NFIX: variants seen among roughly 807,000 people sequenced by gnomAD.
NFIX encodes the protein nuclear factor I X.
In NFIX, 2 loss-of-function variants were observed where a neutral mutation model predicts 53.3. The observed-to-expected ratio is 0.04, with a 90% CI of 0.02 to 0.12. The LOEUF is 0.12. Ranked by LOEUF, NFIX falls within the 10% of genes least tolerant of loss-of-function variation. NFIX has a pLI of 1.00. For synonymous variants in NFIX, 244 were observed against 289.0 expected, an observed-to-expected ratio of 0.84 and a Z score of 1.58; for missense variants, 310 against 674.5, an observed-to-expected ratio of 0.46 and a Z score of 5.99.
chr19:13,052,542 AG>A lies in NFIX; in HGVS notation c.560-20502del, dbSNP rs975560648. On this transcript the variant is annotated intron_variant, in intron 2 of 10. Coordinates refer to ENST00000592199, the MANE Select transcript of NFIX (RefSeq NM_001365902.3). The surrounding 1 kb of genome is among the most constrained non-coding windows in gnomAD (Gnocchi z 5.2). ...TGCGCTGCTGGCCCTGGCTCTGCTG[AG>A]GGCCATGTCAGGGTGAAGGGGGCAC... Among the ~76,000 whole-genome samples the A allele has an allele frequency of 6.6e-6, 1 of 152,130 alleles. No individual in the cohort carries two copies. The highest frequency in any genetic ancestry group is 1.5e-5 in the Non-Finnish European group (1 of 68,014).
intron 2 of NFIX, among the ~76,000 whole-genome samples, chr19:13,044,130 G>C (rs1201593261): frequency 6.6e-6 from 1 of 152,146 alleles, no homozygotes; most frequent in Non-Finnish European, 1.5e-5. Context: ...CAGGCCCTGG[G>C]TAGTGGGAGC....
At chr19:12,999,911 C>A (rs2011615971) in intron 1 of NFIX, among the ~76,000 whole-genome samples, 1 of 152,212 alleles carries the variant, frequency 6.6e-6, no homozygotes, top group Non-Finnish European at 1.5e-5. Context: ...GATTCATGCC[C>A]ACTGCTGGGG....
In NFIX at chr19:13,009,280, C is replaced by G. The variant is rs1022916415; in HGVS notation, c.27+13416C>G. Among the ~76,000 whole-genome samples the G allele has an allele frequency of 2.0e-5, 3 of 152,132 alleles. No homozygotes were observed. The highest frequency in any genetic ancestry group is 2.9e-5 in the Non-Finnish European group (2 of 68,030). On this transcript the variant is annotated intron_variant, in intron 1 of 10. Transcript: ENST00000592199. This position sits in a 1 kb window ranked among gnomAD's most constrained non-coding sequence, Gnocchi z 4.7. Reference sequence around the variant, plus strand: ...TCCTCACAATAAAAATAACAGCTACCGACTCCAGAGCAATTATGCCTGGGC... The same window carrying G: ...TCCTCACAATAAAAATAACAGCTACGGACTCCAGAGCAATTATGCCTGGGC...
At chr19:13,064,499 C>T (rs949511698) in intron 2 of NFIX, among the ~76,000 whole-genome samples, 3 of 152,198 alleles carry the variant, frequency 2.0e-5, no homozygotes, top group African/African-American at 7.2e-5. Context: ...GTCTTGAGAC[C>T]GTTGGATGGC....
intron 2 of NFIX, among the ~76,000 whole-genome samples, chr19:13,056,773 C>T (rs2015723312): frequency 6.6e-6 from 1 of 152,188 alleles, no homozygotes; most frequent in African/African-American, 2.4e-5. Flanking sequence ...CTCAGGGCAC[C>T]TTGTTCAAAA....
At chr19:13,044,816 G>A (rs983829240) in intron 2 of NFIX, among the ~76,000 whole-genome samples, 1 of 152,238 alleles carries the variant, frequency 6.6e-6, no homozygotes, top group Non-Finnish European at 1.5e-5. Context: ...GGACTGAGCT[G>A]AGTGAGAGGC....
chr19:13,008,550 T>A (rs1041810323), intron 1 of NFIX, among the ~76,000 whole-genome samples: 1 of 152,210 alleles, frequency 6.6e-6, no homozygotes, highest in African/African-American at 2.4e-5. Context: ...TGTGATTTTC[T>A]CACTTTGTTC....
At position 13,066,360 on chromosome 19, in the gene NFIX, G is replaced by A. The variant is rs537785575; in HGVS notation, c.560-6687G>A. Among the ~76,000 whole-genome samples, 9 of 128,916 alleles carry A rather than the reference G, an allele frequency of 7.0e-5. No homozygotes were observed. The highest frequency in any genetic ancestry group is 1.2e-4 in the African/African-American group (4 of 34,780). The allele number at this position is 128,916 out of a possible 152,430, so 84.6% of individuals were successfully genotyped here. On this transcript the variant is annotated intron_variant, in intron 2 of 10. Coordinates refer to ENST00000592199, the MANE Select transcript of NFIX (RefSeq NM_001365902.3). The surrounding 1 kb of genome is among the most constrained non-coding windows in gnomAD (Gnocchi z 4.2). ...GTTCCTGTGCCTTCCCTACCCCCCCGCCCCCAACAATGGCTTTTCTTGAGC... is the reference window on the plus strand; with the variant it reads ...GTTCCTGTGCCTTCCCTACCCCCCCACCCCCAACAATGGCTTTTCTTGAGC...
Position 13,053,243 on chromosome 19 carries a change from C to T in NFIX, c.560-19804C>T, listed in dbSNP as rs547280553. On this transcript the variant is annotated intron_variant, in intron 2 of 10. Transcript: ENST00000592199. ...GCACCCTTGGGTGCTGCCCTTTTTC[C>T]GAGTGCTCTGCTTCTCTTTGACTTT... Among the ~76,000 whole-genome samples the T allele has an allele frequency of 3.9e-4, 60 of 152,224 alleles. 1 individual carries two copies. The highest frequency in any genetic ancestry group is 1.3e-3 in the African/African-American group (52 of 41,544).
intron 8 of NFIX, among the ~76,000 whole-genome samples, chr19:13,085,322 C>T (rs116915480): frequency 0.014 from 2,122 of 152,240 alleles, 25 homozygotes; most frequent in Admixed American, 0.038. Context: ...GTGGGATTAA[C>T]GATTTAGATA....
At chr19:13,058,776 T>C (rs1296684939) in intron 2 of NFIX, among the ~76,000 whole-genome samples, 2 of 152,066 alleles carry the variant, frequency 1.3e-5, no homozygotes, top group Non-Finnish European at 2.9e-5. Flanking sequence ...ACATGAAACG[T>C]ACCCAGCTTT....
chr19:13,005,375 T>C lies in NFIX; in HGVS notation c.27+9511T>C, dbSNP rs1464615737. 1.3e-5 allele frequency among the ~76,000 whole-genome samples: 2 copies of C among 152,238 alleles called. No homozygotes were observed. Among genetic ancestry groups the C allele is most frequent in the Admixed American group, 6.5e-5 (1 of 15,290 alleles). On this transcript the variant is annotated intron_variant, in intron 1 of 10. Coordinates refer to ENST00000592199, the MANE Select transcript of NFIX (RefSeq NM_001365902.3). This position sits in a 1 kb window ranked among gnomAD's most constrained non-coding sequence, Gnocchi z 4.7. ...CTTGAATCCTGTGTTCAGCAGGTAC[T>C]GTTATTAGGAGAGTGGGGCCTGCAG... is the stretch of plus-strand genomic sequence containing the variant.
In NFIX at chr19:13,073,954, A is replaced by C; in HGVS notation, c.746A>C (p.Glu249Ala). 6.2e-7 allele frequency: 1 copy of C among 1,613,956 alleles called. No homozygotes were observed. ...SGPNFSLADL[E>A]SPSYYNINQV... ...CCCAACTTCTCCCTGGCGGACCTGG[A>C]GAGTCCCAGCTACTACAACATCAAC... Residue 249 changes from glutamate to alanine, a missense_variant, in exon 5 of 11, where the codon GAG (glutamate) becomes GCG (alanine). By Grantham distance (107) the Glu-to-Ala change is moderately radical. Around this residue, in one of 5 missense-constraint regions of NFIX, gnomAD observed 164 missense variants for 284.4 expected, o/e 0.58. Transcript: ENST00000592199. This position sits in a 1 kb window ranked among gnomAD's most constrained non-coding sequence, Gnocchi z 4.5.
At chr19:13,007,349 G>A (rs534860217) in intron 1 of NFIX, among the ~76,000 whole-genome samples, 1 of 152,230 alleles carries the variant, frequency 6.6e-6, no homozygotes, top group South Asian at 2.1e-4. Flanking sequence ...GGGTTGGGGG[G>A]CACATGTTCT....
At chr19:13,080,012 C>G (rs1225913718) in intron 7 of NFIX, among the ~76,000 whole-genome samples, 1 of 152,214 alleles carries the variant, frequency 6.6e-6, no homozygotes, top group Non-Finnish European at 1.5e-5. Context: ...CCATCCTGAG[C>G]AGATGCTGGC....
chr19:13,048,198 A>ATAAG (rs2015108050), intron 2 of NFIX, among the ~76,000 whole-genome samples: 1 of 152,174 alleles, frequency 6.6e-6, no homozygotes, highest in African/African-American at 2.4e-5. Context: ...ACCCTGGCTT[A>ATAAG]TCTCAGGGTC....
chr19:13,026,724 T>TTCTCTCTCTCTC (rs34744744), intron 2 of NFIX, among the ~76,000 whole-genome samples: 1 of 145,938 alleles, frequency 6.9e-6, no homozygotes, highest in Admixed American at 6.8e-5. Context: ...TACCAAACCT[T>TTCTCTCTCTCTC]TCTCTCTCTC....
Position 13,025,679 on chromosome 19 carries a change from G to A in NFIX, c.559+127G>A, listed in dbSNP as rs988480641. The A allele has an allele frequency of 1.2e-4, 127 of 1,089,726 alleles. No homozygotes were observed. The East Asian group carries it at 2.5e-3, about 21-fold the overall frequency. 67.5% of individuals were successfully genotyped at this position (1,089,726 alleles called of 1,614,324 possible). A position where few individuals can be genotyped will look rare whatever the true frequency, so the allele number is the denominator to read the frequency against. Reference sequence around the variant, plus strand: ...CCTAACTGGTGTATGCCCGTCCTGCGGGGCCTGCAACACGGTTCTATGGGC... The same window carrying A: ...CCTAACTGGTGTATGCCCGTCCTGCAGGGCCTGCAACACGGTTCTATGGGC... On this transcript the variant is annotated intron_variant, in intron 2 of 10. Transcript: ENST00000592199. This position sits in a 1 kb window ranked among gnomAD's most constrained non-coding sequence, Gnocchi z 7.5.
intron 1 of NFIX, among the ~76,000 whole-genome samples, chr19:13,016,985 T>C (rs1012507167): frequency 6.6e-6 from 1 of 152,130 alleles, no homozygotes; most frequent in Admixed American, 6.5e-5. Context: ...CTGAAAGGAC[T>C]AGTGAACCGT....
Sources: gnomAD v4.1 joint callset for allele counts (sites outside exome capture counted in the v4.1 genomes callset) on GRCh38, gnomAD v4.1.1 for gene constraint, gnomAD v4.1.1 regional missense constraint, Gnocchi (gnomAD v3.1) non-coding constraint, MANE v1.5 for transcripts, NCBI Gene and HGNC (gene_info 2026-07-23, HGNC 2026-07-21) for gene names.